Variants in CARMIL1 observed in about 807,000 individuals in gnomAD.
The protein encoded by CARMIL1 is F-actin-uncapping protein LRRC16A.
Under a neutral mutation model 177.1 loss-of-function variants are expected in CARMIL1, and 90 were observed. The observed-to-expected ratio is 0.51, with a 90% CI of 0.43 to 0.61. CARMIL1 has a LOEUF of 0.61. Among genes scored for constraint, CARMIL1 ranks in the 20% least tolerant of loss-of-function variants. The pLI is 0.00. For missense variants in CARMIL1, 1,380 were observed against 1,667.0 expected, an observed-to-expected ratio of 0.83 and a Z score of 3.00; for synonymous variants, 577 against 606.2, an observed-to-expected ratio of 0.95 and a Z score of 0.71.
At chr6:25,544,923 A>C (rs431659) in intron 26 of CARMIL1, among the ~76,000 whole-genome samples, 68,020 of 151,960 alleles carry the variant, frequency 0.45, 15,408 homozygotes, top group East Asian at 0.49. Flanking sequence ...TGTATTGTCC[A>C]ATGTGTTACA....
chr6:25,465,047 T>C (rs1800470332), intron 8 of CARMIL1, among the ~76,000 whole-genome samples: 1 of 129,240 alleles, frequency 7.7e-6, no homozygotes, highest in Non-Finnish European at 1.5e-5. Flanking sequence ...ATCTTATGGA[T>C]GCAGTCACTG....
intron 2 of CARMIL1, among the ~76,000 whole-genome samples, chr6:25,312,925 A>AAAAC (rs1561969715): frequency 1.2e-4 from 18 of 148,070 alleles, no homozygotes; most frequent in Admixed American, 3.4e-4. Flanking sequence ...AAAAAAAAAA[A>AAAAC]AAAAAACCAG....
At chr6:25,304,855 A>T (rs774418555) in intron 2 of CARMIL1, among the ~76,000 whole-genome samples, 33 of 152,212 alleles carry the variant, frequency 2.2e-4, no homozygotes, top group Non-Finnish European at 4.1e-4. Context: ...TTCTATTATG[A>T]GGCAGAGCAT....
At chr6:25,320,621 G>C (rs1405735413) in intron 2 of CARMIL1, among the ~76,000 whole-genome samples, 3 of 152,136 alleles carry the variant, frequency 2.0e-5, no homozygotes, top group African/African-American at 7.2e-5. Context: ...ACAAAGCAGT[G>C]ACCTCTTCCT....
At chr6:25,487,515 A>G (rs542104243) in intron 12 of CARMIL1, among the ~76,000 whole-genome samples, 1 of 152,364 alleles carries the variant, frequency 6.6e-6, no homozygotes, top group East Asian at 1.9e-4. Flanking sequence ...AGAAATAGCC[A>G]TATTTCTAAA....
Position 25,462,530 on chromosome 6 carries a change from A to G in CARMIL1, c.615-3343A>G, listed in dbSNP as rs143292676. ...TTGCATCAGGCCCAGTGATTCATGC[A>G]TGATGGCGGCATTTGTTGAACATAA... is the stretch of plus-strand genomic sequence containing the variant. On this transcript the variant is annotated intron_variant, in intron 8 of 36. Coordinates refer to ENST00000329474, the MANE Select transcript of CARMIL1 (RefSeq NM_017640.6). Among the ~76,000 whole-genome samples, 1,398 of 152,304 alleles carry G rather than the reference A, an allele frequency of 9.2e-3. 7 individuals are homozygous for G. Among genetic ancestry groups the G allele is most frequent in the South Asian group, 0.03 (147 of 4,826 alleles).
At chr6:25,428,394 C>T (rs1367242340) in intron 4 of CARMIL1, among the ~76,000 whole-genome samples, 2 of 152,210 alleles carry the variant, frequency 1.3e-5, no homozygotes, top group African/African-American at 4.8e-5. Flanking sequence ...CTACTATCTT[C>T]ATGCCACTCT....
chr6:25,459,891 G>A (rs766017595), intron 8 of CARMIL1, among the ~76,000 whole-genome samples: 4 of 152,228 alleles, frequency 2.6e-5, no homozygotes, highest in Admixed American at 6.5e-5. Context: ...TTTTAAGGCT[G>A]ACTTTACTTT....
intron 2 of CARMIL1, among the ~76,000 whole-genome samples, chr6:25,375,561 A>G (rs6930874): frequency 0.038 from 5,733 of 152,190 alleles, 347 homozygotes; most frequent in African/African-American, 0.13. Flanking sequence ...AATTTTTCTC[A>G]CCTATTTTCT....
chr6:25,449,970 G>C lies in CARMIL1; in HGVS notation c.444G>C (p.Gln148His). The C allele has an allele frequency of 1.2e-6, 2 of 1,611,248 alleles. No homozygotes were observed. The highest frequency in any genetic ancestry group is 1.7e-6 in the Non-Finnish European group (2 of 1,178,418). ...GTCTCCAGGCGCTGTGGGACAGCCA[G>C]ACCGTGGCTGAGCAGGGCCCCTGTG... Reference protein sequence around the residue: ...LASLQALWDSQTVAEQGPCGG... With the variant: ...LASLQALWDSHTVAEQGPCGG... Residue 148 changes from glutamine (Q) to histidine (H), a missense_variant, in exon 6 of 37, where the codon CAG becomes CAC. Transcript: ENST00000329474.
intron 2 of CARMIL1, among the ~76,000 whole-genome samples, chr6:25,353,163 A>G (rs563383837): frequency 4.4e-4 from 67 of 152,276 alleles, no homozygotes; most frequent in Non-Finnish European, 8.5e-4. Flanking sequence ...CTCTTCGTAA[A>G]TTATGATTAT....
rs926651012 is a variant in CARMIL1 at position 25,600,888 on chromosome 6, C to T, written c.3552+142C>T. On this transcript the variant is annotated intron_variant, in intron 33 of 36. Transcript: ENST00000329474. ...CTTTATGCTGGGAATATTCAAATTA[C>T]TCTCTTCTTGCTATTTTGAAATTGA... is the stretch of plus-strand genomic sequence containing the variant. 3.8e-6 allele frequency: 3 copies of T among 794,342 alleles called. No homozygotes were observed. The East Asian group carries it at 8.5e-5, about 23-fold the overall frequency. 49.2% of individuals were successfully genotyped at this position (794,342 alleles called of 1,614,324 possible).
intron 2 of CARMIL1, among the ~76,000 whole-genome samples, chr6:25,366,731 A>G (rs1207268030): frequency 6.6e-6 from 1 of 151,944 alleles, no homozygotes; most frequent in Non-Finnish European, 1.5e-5. Flanking sequence ...CTCTTACAGG[A>G]CACAAGAGAA....
At chr6:25,448,066 A>G (rs1798415514) in intron 5 of CARMIL1, among the ~76,000 whole-genome samples, 1 of 152,124 alleles carries the variant, frequency 6.6e-6, no homozygotes, top group Non-Finnish European at 1.5e-5. Flanking sequence ...CCAAGAATCC[A>G]TGATCTTCAC....
chr6:25,390,148 A>G (rs538290980), intron 2 of CARMIL1, among the ~76,000 whole-genome samples: 6 of 152,104 alleles, frequency 3.9e-5, no homozygotes, highest in African/African-American at 7.2e-5. Flanking sequence ...ATTTGGTGCT[A>G]TAATGATTGA....
chr6:25,344,291 C>T (rs1459312418), intron 2 of CARMIL1, among the ~76,000 whole-genome samples: 4 of 152,124 alleles, frequency 2.6e-5, no homozygotes, highest in East Asian at 3.9e-4. Context: ...CACGTCTTCA[C>T]GGACCCACAC....
chr6:25,501,819 T>C (rs1174939225), intron 17 of CARMIL1, among the ~76,000 whole-genome samples: 1 of 152,140 alleles, frequency 6.6e-6, no homozygotes, highest in Non-Finnish European at 1.5e-5. Context: ...ATAAGATTAA[T>C]GGTTTGCCTC....
intron 32 of CARMIL1, among the ~76,000 whole-genome samples, chr6:25,598,893 T>G (rs1035317682): frequency 6.6e-6 from 1 of 152,168 alleles, no homozygotes; most frequent in African/African-American, 2.4e-5. Context: ...TGTTGAGCTT[T>G]GGAAACTTTG....
At chr6:25,586,954 A>AGAGGG (rs1241415246) in intron 31 of CARMIL1, among the ~76,000 whole-genome samples, 2,537 of 145,810 alleles carry the variant, frequency 0.017, 66 homozygotes, top group African/African-American at 0.055. Flanking sequence ...GAGAGAGAGG[A>AGAGGG]AGAGGGAGAG....
Sources: allele counts gnomAD v4.1 joint callset (sites outside exome capture counted in the v4.1 genomes callset), GRCh38; gene constraint gnomAD v4.1.1; transcripts MANE v1.5; gene names NCBI Gene and HGNC (gene_info 2026-07-23, HGNC 2026-07-21).